IQSEC1: variants seen among roughly 807,000 people sequenced by gnomAD.
IQSEC1 encodes the protein IQ motif and Sec7 domain ArfGEF 1.
IQSEC1 carries 31 observed loss-of-function variants against 91.0 expected under a neutral mutation model. The ratio of observed to expected loss-of-function variants is 0.34; its 90% CI spans 0.26 to 0.46. IQSEC1 has a LOEUF of 0.46. Among genes scored for constraint, IQSEC1 ranks in the 20% least tolerant of loss-of-function variants. The probability of loss-of-function intolerance (pLI) is 1.00; values close to 1 mark genes in which losing one functional copy is unlikely to be tolerated. For synonymous variants in IQSEC1, 699 were observed against 662.6 expected (o/e 1.05, Z -0.84); for missense variants, 1,388 against 1,575.6 (o/e 0.88, Z 2.02).
Position 13,193,139 on chromosome 3 carries a change from C to G in IQSEC1, c.273-29006G>C, listed in dbSNP as rs912891188. ...TTTTCTCAGCCTTGTCCTACGAGCA[C>G]AGGATGCCCACCTGCCCGGGGCTCA... On this transcript the variant is annotated intron_variant, in intron 1 of 15. Transcript: ENST00000648114. The surrounding 1 kb of genome is among the most constrained non-coding windows in gnomAD (Gnocchi z 4.2). 1.3e-5 allele frequency among the ~76,000 whole-genome samples: 2 copies of G among 152,222 alleles called. No homozygotes were observed. The highest frequency in any genetic ancestry group is 4.8e-5 in the African/African-American group (2 of 41,450).
At chr3:13,094,434 C>T (rs766157882) in intron 2 of IQSEC1, among the ~76,000 whole-genome samples, 9 of 152,182 alleles carry the variant, frequency 5.9e-5, no homozygotes, top group Non-Finnish European at 1.2e-4. Flanking sequence ...GACTCCCTCC[C>T]CCAATCATAT....
chr3:13,237,694 C>T lies in IQSEC1; in HGVS notation c.272+45017G>A, dbSNP rs147537110. Among the ~76,000 whole-genome samples the T allele has an allele frequency of 1.3e-5, 2 of 152,366 alleles. 1 individual carries two copies. The highest frequency in any genetic ancestry group is 2.9e-5 in the Non-Finnish European group (2 of 68,038). ...CCTGCCCTTGGAGATGGTGCACTTG[C>T]AAATCCTCAGCTCCGCGGTCGGTTT... is the stretch of plus-strand genomic sequence containing the variant. On this transcript the variant is annotated intron_variant, in intron 1 of 15. Coordinates refer to the IQSEC1 transcript ENST00000648114.
At chr3:13,228,342 G>A (rs1418531787) in intron 1 of IQSEC1, among the ~76,000 whole-genome samples, 2 of 152,130 alleles carry the variant, frequency 1.3e-5, no homozygotes, top group Non-Finnish European at 2.9e-5. Flanking sequence ...AAGCGCACAC[G>A]TGGGGCTTCG....
At chr3:12,932,645 C>T (rs1027146448) in intron 3 of IQSEC1, among the ~76,000 whole-genome samples, 4 of 152,244 alleles carry the variant, frequency 2.6e-5, no homozygotes, top group African/African-American at 9.6e-5. Context: ...GAAGCCCTTG[C>T]TGACCACAAC....
chr3:12,973,195 A>G (rs1021646855), intron 1 of IQSEC1, among the ~76,000 whole-genome samples: 6 of 152,096 alleles, frequency 3.9e-5, no homozygotes, highest in African/African-American at 1.2e-4. Flanking sequence ...CCTGCATTGT[A>G]ATCCAGCTCC....
At chr3:13,110,386 C>T (rs918187576) in intron 2 of IQSEC1, among the ~76,000 whole-genome samples, 6 of 151,808 alleles carry the variant, frequency 4.0e-5, no homozygotes, top group Non-Finnish European at 7.4e-5. Context: ...GTCAGGAGAT[C>T]GAGACCACCT....
chr3:13,150,309 C>T (rs1706972566), intron 2 of IQSEC1, among the ~76,000 whole-genome samples: 1 of 152,222 alleles, frequency 6.6e-6, no homozygotes, highest in Admixed American at 6.5e-5. Context: ...TGTCTCCTCA[C>T]AGTGAGCGTT....
At chr3:13,054,454 T>A (rs2125071378) in intron 1 of IQSEC1, among the ~76,000 whole-genome samples, 1 of 152,290 alleles carries the variant, frequency 6.6e-6, no homozygotes, top group South Asian at 2.1e-4. Context: ...GGCCCTGCAG[T>A]TTACGTGTCA....
chr3:13,204,947 C>T (rs371748904), intron 1 of IQSEC1, among the ~76,000 whole-genome samples: 5 of 151,722 alleles, frequency 3.3e-5, no homozygotes, highest in African/African-American at 7.3e-5. Context: ...ATTACAGGCG[C>T]GCACCACCAC....
At chr3:13,093,810 C>A (rs990945184) in intron 2 of IQSEC1, among the ~76,000 whole-genome samples, 1 of 152,202 alleles carries the variant, frequency 6.6e-6, no homozygotes. Flanking sequence ...CGTGACTCCG[C>A]TAGGTCTCCC....
At chr3:13,134,940 C>A (rs1202738806) in intron 2 of IQSEC1, among the ~76,000 whole-genome samples, 1 of 152,110 alleles carries the variant, frequency 6.6e-6, no homozygotes, top group African/African-American at 2.4e-5. Context: ...CAGAGCTGTC[C>A]TACACTCTGC....
chr3:13,092,374 T>A (rs1462568664), intron 2 of IQSEC1, among the ~76,000 whole-genome samples: 1 of 152,048 alleles, frequency 6.6e-6, no homozygotes, highest in Admixed American at 6.5e-5. Context: ...TGCAAAGAGA[T>A]ACCTGCAAAA....
chr3:12,903,309 C>T (rs1427240949), intron 12 of IQSEC1, among the ~76,000 whole-genome samples: 1 of 152,082 alleles, frequency 6.6e-6, no homozygotes, highest in Non-Finnish European at 1.5e-5. Flanking sequence ...ATATATGCCC[C>T]CACCTCCTTG....
chr3:12,915,696 C>G lies in IQSEC1; in HGVS notation c.2058G>C (p.Leu686=), dbSNP rs759232967. Residue 686 remains leucine (L), a synonymous_variant, in exon 7 of 14, where the codon CTG becomes CTC. Transcript: ENST00000613206. Reference sequence around the variant, plus strand: ...TACGGATCCGTTCATAGATCCCCATCAGCATCTCACGGGGAATGTCCTCAC... The same window carrying G: ...TACGGATCCGTTCATAGATCCCCATGAGCATCTCACGGGGAATGTCCTCAC... ...DDGEDIPREM[L]MGIYERIRKR... is the part of the protein sequence containing the mutation. 2 of 1,614,144 alleles carry G rather than the reference C, an allele frequency of 1.2e-6. No individual in the cohort carries two copies. Among genetic ancestry groups the G allele is most frequent in the Non-Finnish European group, 1.7e-6 (2 of 1,179,994 alleles).
chr3:13,161,415 G>A (rs187380506), intron 2 of IQSEC1, among the ~76,000 whole-genome samples: 12 of 152,308 alleles, frequency 7.9e-5, no homozygotes, highest in Non-Finnish European at 1.6e-4. Context: ...GTTTGGGGAC[G>A]CAGACCCCGC....
intron 1 of IQSEC1, among the ~76,000 whole-genome samples, chr3:13,003,050 C>T (rs1416144842): frequency 6.6e-6 from 1 of 151,812 alleles, no homozygotes; most frequent in African/African-American, 2.4e-5. Flanking sequence ...GTAGTATTTA[C>T]AATAGCCAAA....
chr3:12,945,159 C>T (rs1025808122), intron 1 of IQSEC1, among the ~76,000 whole-genome samples: 2 of 152,096 alleles, frequency 1.3e-5, no homozygotes, highest in South Asian at 2.1e-4. Flanking sequence ...GAGTGCCTGG[C>T]GCTGGTAGTT....
chr3:13,064,457 C>T (rs1299628725), intron 1 of IQSEC1, among the ~76,000 whole-genome samples: 24 of 152,228 alleles, frequency 1.6e-4, no homozygotes, highest in East Asian at 7.7e-4. Context: ...ATAAAATAAA[C>T]GGTAATTTGT....
chr3:13,041,381 C>T (rs972001101), intron 1 of IQSEC1, among the ~76,000 whole-genome samples: 13 of 152,166 alleles, frequency 8.5e-5, no homozygotes, highest in Non-Finnish European at 1.8e-4. Context: ...TGAGACCCTC[C>T]GTGCCCGCCC....
Sources: gnomAD v4.1 joint callset for allele counts (sites outside exome capture counted in the v4.1 genomes callset) on GRCh38, gnomAD v4.1.1 for gene constraint, Gnocchi (gnomAD v3.1) non-coding constraint, MANE v1.5 for transcripts, NCBI Gene and HGNC (gene_info 2026-07-23, HGNC 2026-07-21) for gene names.